The following OTOGL variants were observed in gnomAD, a reference collection of about 807,000 sequenced individuals.
The protein encoded by OTOGL is otogelin like.
A neutral mutation model predicts 318.5 loss-of-function variants in OTOGL; 285 were observed. That is an observed-to-expected ratio of 0.89 (90% CI 0.81 to 0.99). The LOEUF (loss-of-function observed/expected upper bound fraction) is 0.99. OTOGL is among the 50% of genes least tolerant of loss of function. OTOGL has a pLI of 0.00. For synonymous variants in OTOGL, 987 were observed against 936.5 expected (o/e 1.05, Z -0.99); for missense variants, 2,899 against 2,845.6 (o/e 1.02, Z -0.43).
chr12:80,370,757 C>T, intron 56 of OTOGL, 68 bp downstream of exon 56: 1 of 1,204,600 alleles, frequency 8.3e-7, no homozygotes, highest in Non-Finnish European at 1.1e-6. Context: ...TTGATATTTT[C>T]TAAGGTCATA....
chr12:80,320,250 T>C (rs1592703703), intron 33 of OTOGL, among the ~76,000 whole-genome samples, 172 bp from the exon 34 acceptor site: 1 of 152,138 alleles, frequency 6.6e-6, no homozygotes, highest in Non-Finnish European at 1.5e-5. Flanking sequence ...TACTACTTTT[T>C]TTTTTCTTCT....
At chr12:80,297,394 C>T (rs12314511) in intron 27 of OTOGL, among the ~76,000 whole-genome samples, 4,125 of 150,746 alleles carry the variant, frequency 0.027, 188 homozygotes, top group African/African-American at 0.096. Context: ...TGCAGTGGCA[C>T]GATCTCGGCT....
chr12:80,227,876 C>A (rs1219036913), intron 7 of OTOGL, among the ~76,000 whole-genome samples: 1 of 152,102 alleles, frequency 6.6e-6, no homozygotes, highest in Non-Finnish European at 1.5e-5. Flanking sequence ...TGCCCCCAGA[C>A]CTTGACACAT....
At chr12:80,143,986 T>C (rs1872133253) in intron 1 of OTOGL, among the ~76,000 whole-genome samples, 1 of 152,076 alleles carries the variant, frequency 6.6e-6, no homozygotes, top group Admixed American at 6.6e-5. Context: ...GCCAGAGAGA[T>C]ATATGTATAT....
In OTOGL at chr12:80,282,636, G is replaced by A. The variant is rs572023631; in HGVS notation, c.2928+3470G>A. Among the ~76,000 whole-genome samples, 69 of 151,740 alleles carry A rather than the reference G, an allele frequency of 4.5e-4. 1 individual carries two copies. Among genetic ancestry groups the A allele is most frequent in the Non-Finnish European group, 7.8e-4 (53 of 67,846 alleles). On this transcript the variant is annotated intron_variant, in intron 26 of 58. Transcript: ENST00000547103. Reference sequence around the variant, plus strand: ...ATCTTCTTTGAACAAGCCTGTTTTAGCAAACAATTTTATATTAGAATCCTT... The same window carrying A: ...ATCTTCTTTGAACAAGCCTGTTTTAACAAACAATTTTATATTAGAATCCTT...
At chr12:80,326,744 T>C (rs540718293) in intron 35 of OTOGL, among the ~76,000 whole-genome samples, 1 of 152,234 alleles carries the variant, frequency 6.6e-6, no homozygotes, top group African/African-American at 2.4e-5. Context: ...AAGTTGTTTA[T>C]GTTTTTAAAA....
chr12:80,204,843 C>T (rs1451654508), intron 1 of OTOGL, among the ~76,000 whole-genome samples: 1 of 152,026 alleles, frequency 6.6e-6, no homozygotes, highest in East Asian at 1.9e-4. Context: ...AACCCTTAAG[C>T]TGAGAAATTA....
chr12:80,269,673 T>C (rs1295157039), intron 22 of OTOGL, among the ~76,000 whole-genome samples: 1 of 152,208 alleles, frequency 6.6e-6, no homozygotes, highest in African/African-American at 2.4e-5. Context: ...TTCAAAACTG[T>C]TCAGACTTTA....
chr12:80,356,956 T>C (rs541483379), intron 49 of OTOGL, 42 bp downstream of exon 49: 3 of 1,284,486 alleles, frequency 2.3e-6, no homozygotes, highest in Non-Finnish European at 3.1e-6. Context: ...AGAGAAAGGA[T>C]CTAGGAAAAA....
At chr12:80,132,881 A>G (rs1172953390) in intron 1 of OTOGL, 1 of 152,164 alleles carries the variant, frequency 6.6e-6, no homozygotes, top group East Asian at 1.9e-4. Flanking sequence ...TTTTGAAGAT[A>G]ATGCTAGAAT....
At chr12:80,161,814 C>T (rs1873535717) in intron 1 of OTOGL, among the ~76,000 whole-genome samples, 1 of 152,144 alleles carries the variant, frequency 6.6e-6, no homozygotes. Context: ...ATGTGAATAT[C>T]TGCTTTCTTA....
chr12:80,364,004 A>T (rs1375420814), intron 52 of OTOGL, among the ~76,000 whole-genome samples: 16 of 152,172 alleles, frequency 1.1e-4, no homozygotes, highest in Admixed American at 9.2e-4. Context: ...TTTGTGCTAG[A>T]TGCTGGCCCA....
chr12:80,192,990 T>TAA lies in OTOGL; in HGVS notation c.-19-16414_-19-16413dup, dbSNP rs386377113. ...CATAGTATGGGCTCATTGAAAATAC[T>TAA]AAAAAAAAAACCGAATCAGTTGAAT... On this transcript the variant is annotated intron_variant, in intron 1 of 58. Coordinates refer to ENST00000547103, the MANE Select transcript of OTOGL (RefSeq NM_001378609.3). Among the ~76,000 whole-genome samples the TAA allele has an allele frequency of 2.7e-4, 40 of 149,256 alleles. No homozygotes were observed. In the South Asian group the frequency reaches 3.2e-3, roughly 12 times the overall value.
intron 1 of OTOGL, among the ~76,000 whole-genome samples, chr12:80,108,544 T>C (rs2137074694): frequency 6.6e-6 from 1 of 151,630 alleles, no homozygotes; most frequent in East Asian, 1.9e-4. Context: ...TTTATGGCAA[T>C]CTATGTGGGA....
At chr12:80,154,441 C>T (rs1309830882) in intron 1 of OTOGL, among the ~76,000 whole-genome samples, 1 of 152,144 alleles carries the variant, frequency 6.6e-6, no homozygotes, top group Non-Finnish European at 1.5e-5. Context: ...CAGGAGCCTG[C>T]ACCAAATAAG....
At chr12:80,104,386 T>TA (rs1456888843) in intron 1 of OTOGL, among the ~76,000 whole-genome samples, 1 of 152,168 alleles carries the variant, frequency 6.6e-6, no homozygotes, top group East Asian at 1.9e-4. Context: ...GGGGGAGCTT[T>TA]AAAAAATGGA....
intron 35 of OTOGL, 32 bp downstream of exon 35, chr12:80,323,872 T>C: frequency 6.6e-7 from 1 of 1,522,352 alleles, no homozygotes; most frequent in Non-Finnish European, 9.1e-7. Flanking sequence ...GTGATCAAAG[T>C]CCAGCCTTAG....
intron 6 of OTOGL, among the ~76,000 whole-genome samples, chr12:80,220,575 T>TA (rs200942049): frequency 6.7e-6 from 1 of 148,420 alleles, no homozygotes; most frequent in Non-Finnish European, 1.5e-5. Flanking sequence ...ACTTTGTATG[T>TA]AAAAAAATAG....
chr12:80,169,521 G>A (rs1339937044), intron 1 of OTOGL, among the ~76,000 whole-genome samples: 1 of 152,082 alleles, frequency 6.6e-6, no homozygotes, highest in Non-Finnish European at 1.5e-5. Context: ...TTTAGCTATT[G>A]TTTTATTTTT....
Sources: gnomAD v4.1 joint callset for allele counts (sites outside exome capture counted in the v4.1 genomes callset) on GRCh38, gnomAD v4.1.1 for gene constraint, MANE v1.5 for transcripts, NCBI Gene and HGNC (gene_info 2026-07-23, HGNC 2026-07-21) for gene names.